Variants in SMAD3 observed in about 807,000 individuals in gnomAD.
SMAD3 encodes MAD homolog 3.
A neutral mutation model predicts 51.8 loss-of-function variants in SMAD3; 12 were observed. The ratio of observed to expected loss-of-function variants is 0.23; its 90% confidence interval spans 0.15 to 0.38. SMAD3 has a LOEUF of 0.38. Ranked by LOEUF, SMAD3 falls within the 10% of genes least tolerant of loss-of-function variation. The probability of loss-of-function intolerance (pLI) is 1.00; values close to 1 mark genes in which losing one functional copy is unlikely to be tolerated. For missense variants in SMAD3, 294 were observed against 565.6 expected, an observed-to-expected ratio of 0.52 and a Z score of 4.87; for synonymous variants, 238 against 227.7, an observed-to-expected ratio of 1.05 and a Z score of -0.41.
intron 5 of SMAD3, among the ~76,000 whole-genome samples, chr15:67,172,444 C>T (rs1292102081): frequency 6.6e-6 from 1 of 152,212 alleles, no homozygotes; most frequent in Admixed American, 6.5e-5. Flanking sequence ...CTTCATGAGC[C>T]CCTGTGCTCC....
intron 1 of SMAD3, among the ~76,000 whole-genome samples, chr15:67,118,098 T>C (rs1961176063): frequency 6.6e-6 from 1 of 151,992 alleles, no homozygotes; most frequent in African/African-American, 2.4e-5. Context: ...TCTCAAAAAA[T>C]AAAAAAGAGA....
At chr15:67,166,922 C>G in intron 4 of SMAD3, 69 bp downstream of exon 4, 1 of 1,254,170 alleles carries the variant, frequency 8.0e-7, no homozygotes, top group South Asian at 1.3e-5. Flanking sequence ...CCTTCCATCC[C>G]TTCCTCTTCG....
At chr15:67,173,080 C>T (rs1196866497) in intron 5 of SMAD3, among the ~76,000 whole-genome samples, 1 of 152,090 alleles carries the variant, frequency 6.6e-6, no homozygotes, top group Non-Finnish European at 1.5e-5. Context: ...GATTCTAAAA[C>T]AAGAAGGAGG....
At chr15:67,099,833 G>A (rs1960708872) in intron 1 of SMAD3, among the ~76,000 whole-genome samples, 1 of 152,194 alleles carries the variant, frequency 6.6e-6, no homozygotes, top group Admixed American at 6.5e-5. Context: ...GATTTACTTA[G>A]CAATTAATTC....
At chr15:67,072,580 C>T (rs940325219) in intron 1 of SMAD3, among the ~76,000 whole-genome samples, 5 of 152,228 alleles carry the variant, frequency 3.3e-5, no homozygotes, top group Admixed American at 6.5e-5. Context: ...ATCCCCATCT[C>T]ATAGTGTTGG....
chr15:67,188,148 CTTTTT>C (rs11367565), intron 8 of SMAD3, among the ~76,000 whole-genome samples: 1 of 116,002 alleles, frequency 8.6e-6, no homozygotes. Flanking sequence ...TTTTCTTTTT[CTTTTT>C]TTTTTTTTTT....
intron 1 of SMAD3, among the ~76,000 whole-genome samples, chr15:67,120,964 C>T (rs764873098): frequency 6.6e-6 from 1 of 152,184 alleles, no homozygotes; most frequent in Non-Finnish European, 1.5e-5. Flanking sequence ...GCCAAAACAC[C>T]GGACACCCCT....
chr15:67,190,837 C>T lies in SMAD3; in HGVS notation c.*301C>T, dbSNP rs72661159. On this transcript the variant is annotated 3_prime_UTR_variant, in exon 9 of 9. Coordinates refer to ENST00000327367, the MANE Select transcript of SMAD3 (RefSeq NM_005902.4). ...TAGTATTACACCACCGGCCCCCTCC[C>T]CCCAGACTCTTTTTTTGAGTGACAG... The T allele has an allele frequency of 2.4e-3, 1,106 of 457,750 alleles. 3 individuals are homozygous for T. The highest frequency in any genetic ancestry group is 3.7e-3 in the Non-Finnish European group (921 of 249,582). The allele number at this position is 457,750 out of a possible 1,614,324, so 28.4% of individuals were successfully genotyped here. A position where few individuals can be genotyped will look rare whatever the true frequency, so the allele number is the denominator to read the frequency against.
At chr15:67,072,144 A>T (rs748349174) in intron 1 of SMAD3, among the ~76,000 whole-genome samples, 1 of 152,280 alleles carries the variant, frequency 6.6e-6, no homozygotes, top group African/African-American at 2.4e-5. Context: ...TGAGTTAAAA[A>T]ATAAATATTG....
chr15:67,181,203 G>A, intron 5 of SMAD3, 38 bp from the exon 6 acceptor site: 1 of 1,546,430 alleles, frequency 6.5e-7, no homozygotes, highest in East Asian at 2.3e-5. Context: ...TGGGGCTTGG[G>A]ACACCCAATG....
chr15:67,095,880 A>G (rs1960605071), intron 1 of SMAD3, among the ~76,000 whole-genome samples: 1 of 152,228 alleles, frequency 6.6e-6, no homozygotes, highest in African/African-American at 2.4e-5. Flanking sequence ...GTTTTGGAGC[A>G]TGAGCATGGA....
At chr15:67,137,042 G>A (rs187910942) in intron 1 of SMAD3, among the ~76,000 whole-genome samples, 3 of 152,348 alleles carry the variant, frequency 2.0e-5, no homozygotes, top group African/African-American at 4.8e-5. Context: ...CCTCTTTCTG[G>A]TGTCTGGTGC....
intron 1 of SMAD3, among the ~76,000 whole-genome samples, chr15:67,158,402 G>A (rs1160994361): frequency 6.6e-6 from 1 of 152,272 alleles, no homozygotes; most frequent in Non-Finnish European, 1.5e-5. Context: ...TGCGTAAGAA[G>A]TGAATGAGAT....
Position 67,190,574 on chromosome 15 carries a change from A to G in SMAD3, c.*38A>G. The G allele has an allele frequency of 6.2e-7, 1 of 1,609,286 alleles. No individual in the cohort carries two copies. The highest frequency in any genetic ancestry group is 8.5e-7 in the Non-Finnish European group (1 of 1,176,210). On this transcript the variant is annotated 3_prime_UTR_variant, in exon 9 of 9. Transcript: ENST00000327367. ...TGGTAGGGGAGGGCAGGCTTGGGGA[A>G]AATGGCCATGCAGGAGGTGGAGAAA...
At chr15:67,154,794 A>T (rs1962239199) in intron 1 of SMAD3, among the ~76,000 whole-genome samples, 1 of 152,240 alleles carries the variant, frequency 6.6e-6, no homozygotes, top group African/African-American at 2.4e-5. Flanking sequence ...ACCAGAGTCA[A>T]CAACTGCTCA....
intron 1 of SMAD3, among the ~76,000 whole-genome samples, chr15:67,130,968 C>T (rs6494633): frequency 0.37 from 56,993 of 152,016 alleles, 11,210 homozygotes; most frequent in Non-Finnish European, 0.45. Context: ...CTACCTGCCA[C>T]GCTGGGAATG....
intron 1 of SMAD3, among the ~76,000 whole-genome samples, chr15:67,094,237 C>T (rs900594450): frequency 7.2e-5 from 11 of 152,174 alleles, no homozygotes; most frequent in Admixed American, 2.0e-4. Flanking sequence ...TGTTCCCCTA[C>T]GCTTAGGGCT....
At chr15:67,136,993 G>A (rs1961682031) in intron 1 of SMAD3, among the ~76,000 whole-genome samples, 1 of 152,168 alleles carries the variant, frequency 6.6e-6, no homozygotes. Flanking sequence ...ATCTCCTGGT[G>A]GTCTACCCAC....
Position 67,194,437 on chromosome 15 carries a change from T to C in SMAD3, c.*3901T>C, listed in dbSNP as rs3743343. On this transcript the variant is annotated 3_prime_UTR_variant, in exon 9 of 9. Coordinates refer to ENST00000327367, the MANE Select transcript of SMAD3 (RefSeq NM_005902.4). ...CAACTTTTCAAAAACACAGCTATCA[T>C]AGAAAAGAAACTTGCCTCATGTAAA... 0.29 allele frequency: 67,606 copies of C among 232,908 alleles called. 10,311 individuals carry two copies. The highest frequency in any genetic ancestry group is 0.4 in the African/African-American group (18,151 of 45,304). 14.4% of individuals were successfully genotyped at this position (232,908 alleles called of 1,614,324 possible).
Sources: gnomAD v4.1 joint callset for allele counts (sites outside exome capture counted in the v4.1 genomes callset) on GRCh38, gnomAD v4.1.1 for gene constraint, MANE v1.5 for transcripts, NCBI Gene and HGNC (gene_info 2026-07-23, HGNC 2026-07-21) for gene names.